The following INCENP variants were observed in gnomAD, a reference collection of about 807,000 sequenced individuals.
INCENP encodes binds and activates aurora-B and -C in vivo and in vitro.
In INCENP, 43 loss-of-function variants were observed where a neutral mutation model predicts 107.3. That is an observed-to-expected ratio of 0.40 (90% CI 0.31 to 0.52). The LOEUF (loss-of-function observed/expected upper bound fraction) is 0.52, where lower values mean the gene tolerates loss of function less well. Ranked by LOEUF, INCENP falls within the 20% of genes least tolerant of loss-of-function variation. INCENP has a pLI of 0.53. For missense variants in INCENP, 1,089 were observed against 1,250.9 expected, an observed-to-expected ratio of 0.87 and a Z score of 1.95; for synonymous variants, 488 against 494.4, an observed-to-expected ratio of 0.99 and a Z score of 0.17.
In INCENP at chr11:62,139,011, G is replaced by A. The variant is rs1247134761; in HGVS notation, c.1291+6G>A. 2 of 1,604,088 alleles carry A rather than the reference G, an allele frequency of 1.2e-6. No homozygotes were observed. The highest frequency in any genetic ancestry group is 3.3e-5 in the Admixed American group (2 of 60,026). On this transcript the variant is annotated splice_donor_region_variant and intron_variant, in intron 7 of 18. Coordinates refer to ENST00000394818, the MANE Select transcript of INCENP (RefSeq NM_001040694.2). ...ACCCTCTGCAGGGCAGCAAGGTGAG[G>A]CTTCCTGACCTGCCGTGTGCAGTGC...
intron 17 of INCENP, among the ~76,000 whole-genome samples, chr11:62,149,678 T>C (rs1392683392): frequency 6.6e-6 from 1 of 151,904 alleles, no homozygotes; most frequent in East Asian, 1.9e-4. Flanking sequence ...TCCCAGCATA[T>C]TGGGAGGCCA....
At chr11:62,129,596 G>T (rs768374375) in intron 3 of INCENP, among the ~76,000 whole-genome samples, 186 bp from the exon 4 acceptor site, 2 of 152,220 alleles carry the variant, frequency 1.3e-5, no homozygotes, top group African/African-American at 2.4e-5. Context: ...CAGTTAGGAA[G>T]ACTGCGGCTC....
Position 62,151,874 on chromosome 11 carries a change from G to T in INCENP, c.2655G>T (p.Lys885Asn), listed in dbSNP as rs1254901898. ...LDLEDIFKKS[K>N]PRYHKRTSSA... ...TGGAGGATATCTTCAAGAAGAGCAA[G>T]CCCCGCTATCACAAGCGCACCAGCT... Residue 885 changes from lysine to asparagine, a missense_variant, in exon 19 of 19, where the codon AAG becomes AAT. Coordinates refer to ENST00000394818, the MANE Select transcript of INCENP (RefSeq NM_001040694.2). 6.2e-7 allele frequency: 1 copy of T among 1,614,062 alleles called. No individual in the cohort carries two copies. Among genetic ancestry groups the T allele is most frequent in the Non-Finnish European group, 8.5e-7 (1 of 1,180,048 alleles).
intron 11 of INCENP, among the ~76,000 whole-genome samples, chr11:62,142,121 C>T (rs1251541159): frequency 6.6e-6 from 1 of 152,222 alleles, no homozygotes; most frequent in Non-Finnish European, 1.5e-5. Context: ...CAGATGGGGA[C>T]ATGCTTAGCC....
At chr11:62,143,395 G>C (rs1442341200) in intron 11 of INCENP, among the ~76,000 whole-genome samples, 1 of 152,154 alleles carries the variant, frequency 6.6e-6, no homozygotes, top group Non-Finnish European at 1.5e-5. Flanking sequence ...CCGTGCCCCA[G>C]TGACTCCTTT....
intron 2 of INCENP, among the ~76,000 whole-genome samples, 167 bp downstream of exon 2, chr11:62,128,468 G>A (rs953108912): frequency 5.3e-5 from 8 of 152,236 alleles, no homozygotes; most frequent in Non-Finnish European, 1.0e-4. Flanking sequence ...CTGACCTAGT[G>A]TCATGGGAAG....
chr11:62,138,586 G>T (rs1031373279), intron 5 of INCENP, 127 bp from the exon 6 acceptor site: 3 of 767,550 alleles, frequency 3.9e-6, no homozygotes, highest in Non-Finnish European at 6.3e-6. Flanking sequence ...CTGTGGGTTC[G>T]TGGCCCTGGC....
At chr11:62,136,058 A>G (rs1484885960) in intron 4 of INCENP, among the ~76,000 whole-genome samples, 1 of 152,090 alleles carries the variant, frequency 6.6e-6, no homozygotes, top group African/African-American at 2.4e-5. Flanking sequence ...CGGCCTCCCA[A>G]AGTGCTGGGA....
At chr11:62,149,361 C>T (rs1005001036) in intron 17 of INCENP, among the ~76,000 whole-genome samples, 1 of 152,122 alleles carries the variant, frequency 6.6e-6, no homozygotes, top group South Asian at 2.1e-4. Flanking sequence ...GGAATTCAGC[C>T]GGCTCCTCTT....
chr11:62,146,828 G>C lies in INCENP; in HGVS notation c.2130G>C (p.Gln710His). The change falls in exon 15 of 19, where the codon CAG becomes CAC. Residue 710 changes from glutamine to histidine, a missense_variant. Physicochemically the swap from Gln to His is conservative, Grantham distance 24. Coordinates refer to ENST00000394818, the MANE Select transcript of INCENP (RefSeq NM_001040694.2). The part of the protein sequence containing the change: ...QERREQERRE[Q>H]ERREQERQLA... ...GGCGCGAGCAGGAGCGGCGGGAGCAGGAGCGGCGCGAGCAGGAGCGACAGC... is the reference window on the plus strand; with the variant it reads ...GGCGCGAGCAGGAGCGGCGGGAGCACGAGCGGCGCGAGCAGGAGCGACAGC... 6.5e-7 allele frequency: 1 copy of C among 1,547,434 alleles called. No individual in the cohort carries two copies. Among genetic ancestry groups the C allele is most frequent in the Non-Finnish European group, 8.7e-7 (1 of 1,145,356 alleles).
intron 4 of INCENP, among the ~76,000 whole-genome samples, chr11:62,133,348 G>A (rs1943928868): frequency 6.6e-6 from 1 of 152,176 alleles, no homozygotes; most frequent in Non-Finnish European, 1.5e-5. Context: ...TGGGTGGAGG[G>A]GGCTTCTGGA....
intron 10 of INCENP, 80 bp downstream of exon 10, chr11:62,141,124 G>C: frequency 1.3e-6 from 2 of 1,529,504 alleles, no homozygotes; most frequent in African/African-American, 2.7e-5. Flanking sequence ...GTAAGATACT[G>C]GGAGTAGTGT....
At position 62,140,634 on chromosome 11, in the gene INCENP, G is replaced by T. The variant is rs111658614; in HGVS notation, c.1344-70G>T. The T allele has an allele frequency of 4.7e-4, 620 of 1,331,084 alleles. 4 individuals carry two copies. In the African/African-American group the frequency reaches 8.3e-3, roughly 18 times the overall value. 82.5% of individuals were successfully genotyped at this position (1,331,084 alleles called of 1,614,324 possible). ...CCTGGGCCCGGTATTGTTCACCGGGGTGACTTTTGATGGGGTGTGGCTGGG... is the reference window on the plus strand; with the variant it reads ...CCTGGGCCCGGTATTGTTCACCGGGTTGACTTTTGATGGGGTGTGGCTGGG... On this transcript the variant is annotated intron_variant, in intron 8 of 18. Transcript: ENST00000394818.
chr11:62,136,699 G>T (rs1393297740), intron 4 of INCENP, among the ~76,000 whole-genome samples: 1 of 151,930 alleles, frequency 6.6e-6, no homozygotes, highest in Non-Finnish European at 1.5e-5. Context: ...AAAAAAATTA[G>T]TACTTTTTAC....
chr11:62,137,397 G>A (rs1590615102), intron 4 of INCENP, among the ~76,000 whole-genome samples: 2 of 152,368 alleles, frequency 1.3e-5, no homozygotes, highest in East Asian at 1.9e-4. Context: ...TAGACCAGAT[G>A]GTGGTTCTGT....
chr11:62,128,113 G>T, intron 1 of INCENP, 38 bp from the exon 2 acceptor site: 1 of 1,611,096 alleles, frequency 6.2e-7, no homozygotes, highest in Non-Finnish European at 8.5e-7. Context: ...CCCTACCCTG[G>T]GCCCCTAACT....
At chr11:62,133,542 C>G (rs922138) in intron 4 of INCENP, among the ~76,000 whole-genome samples, 80,330 of 152,072 alleles carry the variant, frequency 0.53, 23,699 homozygotes, top group Non-Finnish European at 0.68. Context: ...CATTGGAGAA[C>G]AGTCCTTCCA....
Position 62,128,241 on chromosome 11 carries a change from A to T in INCENP, c.80A>T (p.Asp27Val), listed in dbSNP as rs761426514. The T allele has an allele frequency of 6.2e-6, 10 of 1,614,042 alleles. No individual in the cohort carries two copies. The highest frequency in any genetic ancestry group is 7.6e-6 in the Non-Finnish European group (9 of 1,180,010). Residue 27 changes from aspartate to valine, a missense_variant, in exon 2 of 19, where the codon GAT (aspartate) becomes GTT (valine). Transcript: ENST00000394818. ...CTCATGGAGTTTCTCTGCAACATGG[A>T]TAATAAGGACTTGGTGTGGCTTGAG... ...QKLMEFLCNM[D>V]NKDLVWLEEI...
rs370763749 is a variant in INCENP at position 62,130,277 on chromosome 11, G to A, written c.750G>A (p.Thr250=). The change falls in exon 4 of 19, where the codon ACG becomes ACA. Residue 250 remains threonine, a synonymous_variant. Transcript: ENST00000394818. ...ACCCCAAGGGTCAAGGGGTCGGGAC[G>A]GGGCGGTCTGCGTCTAAGCTCAGGA... is the stretch of plus-strand genomic sequence containing the variant. ...PQDPKGQGVG[T]GRSASKLRIA... is the part of the protein sequence containing the mutation. 20 of 1,612,478 alleles carry A rather than the reference G, an allele frequency of 1.2e-5. No individual in the cohort carries two copies. Among genetic ancestry groups the A allele is most frequent in the Middle Eastern group, 1.6e-4 (1 of 6,084 alleles).
Sources: allele counts gnomAD v4.1 joint callset (sites outside exome capture counted in the v4.1 genomes callset), GRCh38; gene constraint gnomAD v4.1.1; transcripts MANE v1.5; gene names NCBI Gene and HGNC (gene_info 2026-07-23, HGNC 2026-07-21).